Variants in ACADM observed in about 807,000 individuals in gnomAD.
ACADM encodes medium-chain specific acyl-CoA dehydrogenase, mitochondrial.
ACADM carries 49 observed loss-of-function variants against 58.9 expected under a neutral mutation model. The observed-to-expected ratio is 0.83, with a 90% CI of 0.66 to 1.06. The LOEUF is 1.06. ACADM is among the 50% of genes least tolerant of loss of function. ACADM has a pLI of 0.00. For synonymous variants in ACADM, 160 were observed against 157.7 expected (o/e 1.01, Z -0.11); for missense variants, 496 against 507.0 (o/e 0.98, Z 0.21).
Position 75,749,499 on chromosome 1 carries a change from A to C in ACADM, c.789A>C (p.Leu263Phe). The C allele has an allele frequency of 6.2e-7, 1 of 1,614,088 alleles. No homozygotes were observed. The highest frequency in any genetic ancestry group is 8.5e-7 in the Non-Finnish European group (1 of 1,179,996). The part of the protein sequence containing the change: ...EDVKVPKENV[L>F]IGDGAGFKVA... The stretch of plus-strand genomic sequence containing the variant: ...TGAAAGTGCCTAAAGAAAATGTTTT[A>C]ATTGGTGACGGAGCTGGTTTCAAAG... Residue 263 changes from leucine (L) to phenylalanine (F), a missense_variant, in exon 9 of 12, where the codon TTA (leucine) becomes TTC (phenylalanine). Physicochemically the swap from Leu to Phe is conservative, Grantham distance 22. Coordinates refer to ENST00000370841, the MANE Select transcript of ACADM (RefSeq NM_000016.6).
intron 6 of ACADM, among the ~76,000 whole-genome samples, chr1:75,738,408 G>A (rs776163835): frequency 6.6e-6 from 1 of 151,852 alleles, no homozygotes; most frequent in African/African-American, 2.4e-5. Flanking sequence ...TTTTAGTAGA[G>A]ACAGGGTTTC....
intron 8 of ACADM, 29 bp from the exon 9 acceptor site, chr1:75,749,390 T>TC: frequency 6.2e-7 from 1 of 1,611,500 alleles, no homozygotes. Flanking sequence ...CAAAAAAAAT[T>TC]CCTTAAAATA....
intron 11 of ACADM, among the ~76,000 whole-genome samples, 167 bp from the exon 12 acceptor site, chr1:75,762,525 G>C (rs1284817474): frequency 6.6e-6 from 1 of 151,910 alleles, no homozygotes; most frequent in Non-Finnish European, 1.5e-5. Context: ...CATATTTTCA[G>C]ACTTTCACAA....
chr1:75,761,328 A>C lies in ACADM; in HGVS notation c.1152A>C (p.Glu384Asp), dbSNP rs1183930705. The change falls in exon 11 of 12, where the codon GAA (glutamate) becomes GAC (aspartate). Residue 384 changes from glutamate (E) to aspartate (D), a missense_variant. Transcript: ENST00000370841. The stretch of plus-strand genomic sequence containing the variant: ...TTGGAGGCAATGGATTTAATACAGA[A>C]TATCCTGTAGAAAAACTAATGAGGG... ...QILGGNGFNT[E>D]YPVEKLMRDA... is the part of the protein sequence containing the mutation. 1 of 1,613,956 alleles carries C rather than the reference A, an allele frequency of 6.2e-7. No individual in the cohort carries two copies. Among genetic ancestry groups the C allele is most frequent in the Non-Finnish European group, 8.5e-7 (1 of 1,179,938 alleles).
At chr1:75,760,389 C>T (rs1165216138) in intron 10 of ACADM, among the ~76,000 whole-genome samples, 2 of 148,756 alleles carry the variant, frequency 1.3e-5, no homozygotes, top group East Asian at 2.0e-4. Context: ...ACCACTTCAC[C>T]CCAGCCTGGG....
intron 7 of ACADM, among the ~76,000 whole-genome samples, chr1:75,740,347 C>T (rs983282105): frequency 6.6e-6 from 1 of 152,110 alleles, no homozygotes; most frequent in African/African-American, 2.4e-5. Context: ...AATGCGTGCT[C>T]TGTTTGAATC....
intron 2 of ACADM, among the ~76,000 whole-genome samples, chr1:75,731,603 T>G (rs1647151493): frequency 6.6e-6 from 1 of 152,250 alleles, no homozygotes; most frequent in African/African-American, 2.4e-5. Context: ...TCCCTTATTT[T>G]ATGTAAACAA....
At chr1:75,735,127 C>CT (rs1032938406) in intron 6 of ACADM, among the ~76,000 whole-genome samples, 9 of 151,894 alleles carry the variant, frequency 5.9e-5, no homozygotes, top group Non-Finnish European at 1.3e-4. Flanking sequence ...CACAGCCTGG[C>CT]TAACGTGGTG....
chr1:75,761,750 G>A (rs1648874167), intron 11 of ACADM: 1 of 233,782 alleles, frequency 4.3e-6, no homozygotes, highest in Non-Finnish European at 8.5e-6. Context: ...ACTATACTTG[G>A]AGTCAAAAAC....
At chr1:75,743,749 A>G in intron 7 of ACADM, 1 of 1,554,694 alleles carries the variant, frequency 6.4e-7, no homozygotes, top group Non-Finnish European at 8.9e-7. Context: ...GGTCTGTTCA[A>G]TATCTGCATA....
chr1:75,728,245 A>C, intron 1 of ACADM, 156 bp from the exon 2 acceptor site: 1 of 559,696 alleles, frequency 1.8e-6, no homozygotes, highest in Non-Finnish European at 3.2e-6. Context: ...TAATTGGCTT[A>C]TTTAAATTAT....
At chr1:75,760,387 A>G (rs982131458) in intron 10 of ACADM, among the ~76,000 whole-genome samples, 1 of 147,698 alleles carries the variant, frequency 6.8e-6, no homozygotes, top group Non-Finnish European at 1.5e-5. Flanking sequence ...GCACCACTTC[A>G]CCCCAGCCTG....
chr1:75,744,754 A>G (rs539376724), intron 7 of ACADM: 3 of 715,680 alleles, frequency 4.2e-6, no homozygotes, highest in African/African-American at 3.5e-5. Context: ...CGCCCGGGAC[A>G]CAGTGGGACC....
At chr1:75,745,739 T>A in intron 7 of ACADM, 67 bp from the exon 8 acceptor site, 1 of 1,105,398 alleles carries the variant, frequency 9.0e-7, no homozygotes, top group Non-Finnish European at 1.4e-6. Flanking sequence ...GAGAATTAAC[T>A]GAGAGAGCAA....
intron 7 of ACADM, among the ~76,000 whole-genome samples, chr1:75,743,260 A>T (rs570744382): frequency 1.5e-4 from 23 of 152,272 alleles, no homozygotes; most frequent in African/African-American, 5.5e-4. Flanking sequence ...GAACACCAAG[A>T]AAAAAGCTGT....
intron 10 of ACADM, among the ~76,000 whole-genome samples, chr1:75,757,430 A>G (rs1047242592): frequency 5.9e-5 from 9 of 152,240 alleles, no homozygotes; most frequent in Non-Finnish European, 1.3e-4. Context: ...GAAGACATTT[A>G]TGCATCCAAC....
At chr1:75,729,885 A>ATTTTTTT (rs551916973) in intron 2 of ACADM, among the ~76,000 whole-genome samples, 4 of 73,882 alleles carry the variant, frequency 5.4e-5, no homozygotes, top group African/African-American at 1.1e-4. Flanking sequence ...GGGATGGTGG[A>ATTTTTTT]TTTTTTTTTT....
In ACADM at chr1:75,763,422, C is replaced by T. The variant is rs925314432; in HGVS notation, c.*659C>T. 4 of 152,064 alleles carry T rather than the reference C, an allele frequency of 2.6e-5. No individual in the cohort carries two copies. Among genetic ancestry groups the T allele is most frequent in the Non-Finnish European group, 4.4e-5 (3 of 68,022 alleles). The allele number at this position is 152,064 out of a possible 1,614,324, so 9.4% of individuals were successfully genotyped here. On this transcript the variant is annotated 3_prime_UTR_variant, in exon 12 of 12. Coordinates refer to ENST00000370841, the MANE Select transcript of ACADM (RefSeq NM_000016.6). ...TGTTGGTCTCTAGGTAGCCTTTGGTCTATTGTACACAATCTCATTTCATAT... is the reference window on the plus strand; with the variant it reads ...TGTTGGTCTCTAGGTAGCCTTTGGTTTATTGTACACAATCTCATTTCATAT...
intron 8 of ACADM, among the ~76,000 whole-genome samples, chr1:75,748,343 AG>A (rs1390092756): frequency 2.0e-5 from 3 of 152,220 alleles, no homozygotes; most frequent in African/African-American, 7.2e-5. Context: ...CTAGTTTAGT[AG>A]TTTCTTATAA....
Sources: allele counts gnomAD v4.1 joint callset (sites outside exome capture counted in the v4.1 genomes callset), GRCh38; gene constraint gnomAD v4.1.1; transcripts MANE v1.5; gene names NCBI Gene and HGNC (gene_info 2026-07-23, HGNC 2026-07-21).